Variants in SYNE1 observed in about 807,000 individuals in gnomAD.
SYNE1 encodes spectrin repeat containing nuclear envelope protein 1.
Under a neutral mutation model 1,111.0 loss-of-function variants are expected in SYNE1, and 616 were observed. The ratio of observed to expected loss-of-function variants is 0.55; its 90% CI spans 0.52 to 0.59. SYNE1 has a LOEUF of 0.59. SYNE1 is among the 20% of genes least tolerant of loss of function. The pLI is 0.00. For missense variants in SYNE1, 10,006 were observed against 10,417.0 expected, an observed-to-expected ratio of 0.96 and a Z score of 1.72; for synonymous variants, 3,855 against 3,825.8, an observed-to-expected ratio of 1.01 and a Z score of -0.28.
At chr6:152,511,547 A>C in intron 6 of SYNE1, 1 of 1,609,606 alleles carries the variant, frequency 6.2e-7, no homozygotes, top group Non-Finnish European at 8.5e-7. Flanking sequence ...ATCAGGAGTT[A>C]AGAATTCTAA....
At chr6:152,386,952 C>A (rs1202683805) in intron 54 of SYNE1, 120 bp downstream of exon 54, 3 of 887,420 alleles carry the variant, frequency 3.4e-6, no homozygotes, top group Non-Finnish European at 4.9e-6. Context: ...AATTCTCCAA[C>A]AATTTAATCC....
intron 2 of SYNE1, among the ~76,000 whole-genome samples, chr6:152,629,555 G>GA: frequency 7.1e-6 from 1 of 141,248 alleles, no homozygotes; most frequent in Non-Finnish European, 1.5e-5. Context: ...GGGGAGGAGG[G>GA]GGTGCAGTGG....
intron 3 of SYNE1, among the ~76,000 whole-genome samples, chr6:152,615,275 T>A (rs1565206424): frequency 6.6e-6 from 1 of 152,192 alleles, no homozygotes; most frequent in Non-Finnish European, 1.5e-5. Flanking sequence ...CAGATCATTG[T>A]ATAGGTAATG....
intron 126 of SYNE1, among the ~76,000 whole-genome samples, chr6:152,202,457 C>G (rs1042046726): frequency 6.7e-6 from 1 of 149,046 alleles, no homozygotes; most frequent in East Asian, 2.0e-4. Flanking sequence ...ATGCTGTTGT[C>G]ATCAGAAGAG....
intron 11 of SYNE1, among the ~76,000 whole-genome samples, chr6:152,489,033 A>T (rs983041812): frequency 6.6e-6 from 1 of 152,192 alleles, no homozygotes; most frequent in African/African-American, 2.4e-5. Context: ...GTATTCCTAG[A>T]CCCTGGGAAC....
chr6:152,239,634 C>A lies in SYNE1; in HGVS notation c.19966G>T (p.Val6656Phe). 1 of 1,614,206 alleles carries A rather than the reference C, an allele frequency of 6.2e-7. No individual in the cohort carries two copies. Among genetic ancestry groups the A allele is most frequent in the Non-Finnish European group, 8.5e-7 (1 of 1,180,042 alleles). ...GTATGGAACTGGGTTTCCTTTTGGACTGCAAAGCTGATTATCTTTCTGAAG... is the reference window on the plus strand; with the variant it reads ...GTATGGAACTGGGTTTCCTTTTGGAATGCAAAGCTGATTATCTTTCTGAAG... ...TLFRKIISFAVQKETQFHTEL... is the reference protein window; with the variant it reads ...TLFRKIISFAFQKETQFHTEL... The change falls in exon 108 of 146, where the codon GTC becomes TTC. Residue 6656 changes from valine to phenylalanine, a missense_variant. Val to Phe is a conservative substitution (Grantham distance 50, BLOSUM62 -1). Transcript: ENST00000367255.
At chr6:152,495,847 C>A (rs2098996626) in intron 11 of SYNE1, among the ~76,000 whole-genome samples, 1 of 152,202 alleles carries the variant, frequency 6.6e-6, no homozygotes, top group Non-Finnish European at 1.5e-5. Context: ...TGTGTGCTCA[C>A]CATTGCTCCA....
At position 152,323,352 on chromosome 6, in the gene SYNE1, T is replaced by A. The variant is rs1179611866; in HGVS notation, c.15917+126A>T. On this transcript the variant is annotated intron_variant, in intron 82 of 145. Coordinates refer to ENST00000367255, the MANE Select transcript of SYNE1 (RefSeq NM_182961.4). ...ACTCAGAGAGGCTGAGGCAGGAGAA[T>A]GGCGTGAACCCGGGAGGCGGAGCTT... 7.9e-6 allele frequency: 11 copies of A among 1,393,130 alleles called. No individual in the cohort carries two copies. The East Asian group carries it at 2.3e-4, about 29-fold the overall frequency. The allele number at this position is 1,393,130 out of a possible 1,614,324, so 86.3% of individuals were successfully genotyped here.
rs1404734290 is a variant in SYNE1 at position 152,330,868 on chromosome 6, T to C, written c.13817A>G (p.Gln4606Arg). The change falls in exon 78 of 146, where the codon CAA becomes CGA. Residue 4606 changes from glutamine to arginine, a missense_variant. Coordinates refer to ENST00000367255, the MANE Select transcript of SYNE1 (RefSeq NM_182961.4). ...TTCTGGAGATTGTTCAAGAATGTTT[T>C]GGTATTTAGCCAGTTGTGTATGAAG... ...SELHTQLAKY[Q>R]NILEQSPEYE... The C allele has an allele frequency of 6.2e-7, 1 of 1,614,162 alleles. No individual in the cohort carries two copies.
chr6:152,300,774 G>T lies in SYNE1; in HGVS notation c.17549C>A (p.Ala5850Glu), dbSNP rs1382215891. ...TGACAGCAAAGTGTGACAGCGACCT[G>T]CAGTCATCTGCCACGTAAAATGTAG... ...SAHPSVVMMT[A>E]GRCHTLLSPV... is the part of the protein sequence containing the mutation. Residue 5850 changes from alanine (A) to glutamate (E), a missense_variant, in exon 93 of 146, where the codon GCA becomes GAA. Physicochemically the swap from Ala to Glu is moderately radical, Grantham distance 107. Transcript: ENST00000367255. 1 of 1,614,198 alleles carries T rather than the reference G, an allele frequency of 6.2e-7. No homozygotes were observed.
intron 130 of SYNE1, among the ~76,000 whole-genome samples, chr6:152,175,397 A>T (rs1284772991): frequency 1.3e-5 from 2 of 152,244 alleles, no homozygotes; most frequent in South Asian, 4.1e-4. Flanking sequence ...CATGGTACGC[A>T]GAGGACATTG....
chr6:152,607,825 C>A (rs1291707216), intron 3 of SYNE1, among the ~76,000 whole-genome samples: 1 of 152,168 alleles, frequency 6.6e-6, no homozygotes, highest in Non-Finnish European at 1.5e-5. Flanking sequence ...AAATGTGGTA[C>A]ATATACACCA....
intron 105 of SYNE1, among the ~76,000 whole-genome samples, chr6:152,246,455 A>G (rs150625330): frequency 6.6e-6 from 1 of 152,308 alleles, no homozygotes; most frequent in East Asian, 1.9e-4. Context: ...AGCTCCGGGA[A>G]AATTAAATAC....
chr6:152,448,169 G>A (rs1457262657), intron 28 of SYNE1, among the ~76,000 whole-genome samples: 1 of 152,206 alleles, frequency 6.6e-6, no homozygotes, highest in African/African-American at 2.4e-5. Flanking sequence ...CATATAGCAA[G>A]AAGTATAAAT....
chr6:152,573,607 G>T (rs1298667791), intron 3 of SYNE1, among the ~76,000 whole-genome samples: 1 of 152,022 alleles, frequency 6.6e-6, no homozygotes, highest in African/African-American at 2.4e-5. Context: ...AGGAAAAAAT[G>T]TTCAAGAAGA....
At chr6:152,300,421 C>T (rs1452623220) in intron 93 of SYNE1, among the ~76,000 whole-genome samples, 4 of 152,202 alleles carry the variant, frequency 2.6e-5, no homozygotes, top group African/African-American at 9.7e-5. Context: ...ATTCCCATGA[C>T]CTAATTTTTG....
Position 152,148,086 on chromosome 6 carries a change from T to A in SYNE1, c.24935A>T (p.Asp8312Val), listed in dbSNP as rs760083979. Residue 8312 changes from aspartate to valine, a missense_variant, in exon 137 of 146, where the codon GAT becomes GTT. Physicochemically the swap from Asp to Val is radical, Grantham distance 152 (BLOSUM62 -3). Around this residue, in one of 7 missense-constraint regions of SYNE1, gnomAD observed 761 missense variants for 795.5 expected, o/e 0.96. Transcript: ENST00000367255. The surrounding 1 kb of genome is among the most constrained non-coding windows in gnomAD (Gnocchi z 4.1). Reference protein sequence around the residue: ...ALPSEDEEGQDDKDFYLRGAV... With the variant: ...ALPSEDEEGQVDKDFYLRGAV... ...TCCCCGGAGGTAGAAATCTTTGTCA[T>A]CCTGACCTTCTTCATCCTCAGAGGG... 5 of 1,614,192 alleles carry A rather than the reference T, an allele frequency of 3.1e-6. No homozygotes were observed. In the Admixed American group the frequency reaches 8.3e-5, roughly 27 times the overall value.
intron 95 of SYNE1, among the ~76,000 whole-genome samples, chr6:152,285,201 C>G (rs2094260003): frequency 6.9e-6 from 1 of 144,158 alleles, no homozygotes; most frequent in East Asian, 2.5e-4. Flanking sequence ...ACTCTTCACA[C>G]CTTCCTCTCC....
intron 58 of SYNE1, among the ~76,000 whole-genome samples, chr6:152,374,685 G>A (rs1353080176): frequency 1.3e-5 from 2 of 152,070 alleles, no homozygotes; most frequent in Admixed American, 1.3e-4. Flanking sequence ...GAGGCAGGAG[G>A]ATTGCTTGAA....
Sources: allele counts gnomAD v4.1 joint callset (sites outside exome capture counted in the v4.1 genomes callset), GRCh38; gene constraint gnomAD v4.1.1; regional missense constraint gnomAD v4.1.1; non-coding constraint Gnocchi (gnomAD v3.1); transcripts MANE v1.5; gene names NCBI Gene and HGNC (gene_info 2026-07-23, HGNC 2026-07-21).